Variants in SEL1L2 observed in about 807,000 individuals in gnomAD.
SEL1L2 encodes protein sel-1 homolog 2.
Under a neutral mutation model 98.8 loss-of-function variants are expected in SEL1L2, and 89 were observed. That is an observed-to-expected ratio of 0.90 (90% CI 0.76 to 1.07). SEL1L2 has a LOEUF of 1.07. SEL1L2 is among the 50% of genes least tolerant of loss of function. The pLI, the probability that SEL1L2 is intolerant of heterozygous loss-of-function variation, is 0.00. For synonymous variants in SEL1L2, 262 were observed against 278.5 expected (o/e 0.94, Z 0.59); for missense variants, 788 against 812.0 (o/e 0.97, Z 0.36).
intron 1 of SEL1L2, among the ~76,000 whole-genome samples, chr20:13,964,078 G>A (rs2050912373): frequency 6.6e-6 from 1 of 152,002 alleles, no homozygotes; most frequent in East Asian, 1.9e-4. Context: ...GGTTCACCAT[G>A]TTGGCCAGGC....
chr20:13,901,731 A>G (rs2047691915), intron 5 of SEL1L2, among the ~76,000 whole-genome samples: 1 of 149,372 alleles, frequency 6.7e-6, no homozygotes, highest in Middle Eastern at 3.5e-3. Flanking sequence ...GCACGATCTC[A>G]GCTCACTGCA....
intron 2 of SEL1L2, among the ~76,000 whole-genome samples, chr20:13,944,993 A>G (rs2049946461): frequency 6.6e-6 from 1 of 152,126 alleles, no homozygotes; most frequent in African/African-American, 2.4e-5. Flanking sequence ...TTAAAATGAG[A>G]CTGGTTGCCT....
rs775380467 is a variant in SEL1L2 at position 13,887,987 on chromosome 20, G to A, written c.618C>T (p.Tyr206=). Residue 206 remains tyrosine (Y), a synonymous_variant, in exon 7 of 20, where the codon TAC becomes TAT. Coordinates refer to ENST00000284951, the MANE Select transcript of SEL1L2 (RefSeq NM_025229.2). The stretch of plus-strand genomic sequence containing the variant: ...TGTTTCCTCCAGCACTTCCAAAGGT[G>A]TAATATATCAGTGCCTAAAGTAAAA... ...EYDQAKALIY[Y]TFGSAGGNMM... is the part of the protein sequence containing the mutation. 27 of 1,613,488 alleles carry A rather than the reference G, an allele frequency of 1.7e-5. No homozygotes were observed. Among genetic ancestry groups the A allele is most frequent in the South Asian group, 8.8e-5 (8 of 91,038 alleles).
chr20:13,940,022 A>G (rs1173383211), intron 2 of SEL1L2, among the ~76,000 whole-genome samples: 1 of 152,202 alleles, frequency 6.6e-6, no homozygotes, highest in African/African-American at 2.4e-5. Context: ...CATTCAATAC[A>G]TTTATGCTAG....
At chr20:13,854,867 C>G (rs2147725419) in intron 18 of SEL1L2, among the ~76,000 whole-genome samples, 1 of 152,146 alleles carries the variant, frequency 6.6e-6, no homozygotes, top group East Asian at 1.9e-4. Flanking sequence ...TCCTGGCCAA[C>G]ATGGTGAAAC....
chr20:13,861,515 A>T (rs1012948756), intron 17 of SEL1L2, among the ~76,000 whole-genome samples: 1 of 152,048 alleles, frequency 6.6e-6, no homozygotes, highest in African/African-American at 2.4e-5. Context: ...ATTGAGATAC[A>T]ATTCACATAC....
intron 12 of SEL1L2, among the ~76,000 whole-genome samples, chr20:13,873,534 G>A (rs904611362): frequency 6.6e-5 from 10 of 151,790 alleles, no homozygotes; most frequent in African/African-American, 2.2e-4. Context: ...GCTAATTTTT[G>A]TATTTTTAGT....
In SEL1L2 at chr20:13,865,528, G is replaced by C; in HGVS notation, c.1405-14C>G. On this transcript the variant is annotated splice_polypyrimidine_tract_variant and intron_variant, in intron 15 of 19. Transcript: ENST00000284951. ...ACCTTTATAAAGCTGTACATGAGAG[G>C]AGAAATCAAGGAGACTAGTTAGCCA... The C allele has an allele frequency of 6.2e-7, 1 of 1,606,018 alleles. No individual in the cohort carries two copies. Among genetic ancestry groups the C allele is most frequent in the African/African-American group, 1.3e-5 (1 of 74,608 alleles).
chr20:13,875,000 T>C (rs1238408407), intron 12 of SEL1L2, among the ~76,000 whole-genome samples: 1 of 152,176 alleles, frequency 6.6e-6, no homozygotes, highest in East Asian at 1.9e-4. Flanking sequence ...CTAAGTCTTA[T>C]CTGACAGATA....
intron 4 of SEL1L2, chr20:13,915,229 A>C: frequency 7.8e-7 from 1 of 1,289,178 alleles, no homozygotes; most frequent in Non-Finnish European, 1.0e-6. Flanking sequence ...ACATCCAGGT[A>C]GGCATTAGAA....
intron 5 of SEL1L2, among the ~76,000 whole-genome samples, chr20:13,908,005 T>C (rs976097081): frequency 1.3e-5 from 2 of 151,644 alleles, no homozygotes; most frequent in African/African-American, 4.8e-5. Flanking sequence ...CAGGGTAGTC[T>C]TGAACTCCTG....
intron 3 of SEL1L2, among the ~76,000 whole-genome samples, chr20:13,925,016 G>A (rs968644739): frequency 2.6e-5 from 4 of 152,096 alleles, no homozygotes; most frequent in Non-Finnish European, 5.9e-5. Context: ...GTGCGCACCT[G>A]TAATCCCAGC....
chr20:13,988,978 A>G (rs1217346288), intron 1 of SEL1L2, among the ~76,000 whole-genome samples: 3 of 152,180 alleles, frequency 2.0e-5, no homozygotes, highest in African/African-American at 7.2e-5. Context: ...ACGTCATTGC[A>G]CTCCAGCCTG....
chr20:13,993,048 A>G (rs2052571408), upstream of SEL1L2, among the ~76,000 whole-genome samples: 1 of 152,220 alleles, frequency 6.6e-6, no homozygotes, highest in African/African-American at 2.4e-5. Flanking sequence ...AAGTCATTGA[A>G]TGACTTACAG....
intron 1 of SEL1L2, among the ~76,000 whole-genome samples, chr20:13,989,061 A>C (rs2052404498): frequency 6.6e-6 from 1 of 152,168 alleles, no homozygotes; most frequent in South Asian, 2.1e-4. Flanking sequence ...GAATATGTAG[A>C]TCAATTTGGA....
At chr20:13,957,369 TGGGATTACAG>T (rs1960325499) in intron 1 of SEL1L2, among the ~76,000 whole-genome samples, 1 of 152,248 alleles carries the variant, frequency 6.6e-6, no homozygotes, top group East Asian at 1.9e-4. Context: ...CCCAAAGTGC[TGGGATTACAG>T]GCGTGAGCTG....
chr20:13,941,395 T>C (rs532716983), intron 2 of SEL1L2, among the ~76,000 whole-genome samples: 1 of 152,304 alleles, frequency 6.6e-6, no homozygotes, highest in Non-Finnish European at 1.5e-5. Flanking sequence ...ATTCACTGCC[T>C]TCCCCGGGTT....
chr20:13,956,926 G>T (rs963835493), intron 1 of SEL1L2, among the ~76,000 whole-genome samples: 34 of 151,846 alleles, frequency 2.2e-4, no homozygotes, highest in African/African-American at 5.6e-4. Context: ...GTTTTGGGAA[G>T]TAAAAAAAAT....
intron 3 of SEL1L2, among the ~76,000 whole-genome samples, chr20:13,920,285 C>G (rs1020539031): frequency 4.6e-5 from 7 of 150,592 alleles, no homozygotes; most frequent in African/African-American, 1.7e-4. Context: ...AGGACCCTTT[C>G]TAAGACTTAG....
Sources: allele counts gnomAD v4.1 joint callset (sites outside exome capture counted in the v4.1 genomes callset), GRCh38; gene constraint gnomAD v4.1.1; transcripts MANE v1.5; gene names NCBI Gene and HGNC (gene_info 2026-07-23, HGNC 2026-07-21).